The following DCC variants were observed in gnomAD, a reference collection of about 807,000 sequenced individuals.
DCC encodes netrin receptor DCC.
Under a neutral mutation model 172.5 loss-of-function variants are expected in DCC, and 58 were observed. That is an observed-to-expected ratio of 0.34 (90% confidence interval 0.27 to 0.42). DCC has a LOEUF of 0.42. Ranked by LOEUF, DCC falls within the 10% of genes least tolerant of loss-of-function variation. The probability of loss-of-function intolerance (pLI) is 1.00; values close to 1 mark genes in which losing one functional copy is unlikely to be tolerated. For synonymous variants in DCC, 709 were observed against 644.5 expected (o/e 1.10, Z -1.52); for missense variants, 1,740 against 1,791.0 (o/e 0.97, Z 0.51).
chr18:53,151,581 A>G (rs2043996129), intron 7 of DCC, among the ~76,000 whole-genome samples: 1 of 152,218 alleles, frequency 6.6e-6, no homozygotes. Context: ...CACAATGTAT[A>G]TATGCCTCAA....
rs11269189 is a variant in DCC at position 52,907,241 on chromosome 18, C to CATATATACATGATATGTCATGG, written c.697+946_697+967dup. Among the ~76,000 whole-genome samples, 205 of 102,602 alleles carry CATATATACATGATATGTCATGG rather than the reference C, an allele frequency of 2.0e-3. 7 individuals are homozygous for CATATATACATGATATGTCATGG. Among genetic ancestry groups the CATATATACATGATATGTCATGG allele is most frequent in the African/African-American group, 6.7e-3 (185 of 27,610 alleles). The allele number at this position is 102,602 out of a possible 152,430, so 67.3% of individuals were successfully genotyped here. A position where few individuals can be genotyped will look rare whatever the true frequency, so the allele number is the denominator to read the frequency against. On this transcript the variant is annotated intron_variant, in intron 3 of 28. Transcript: ENST00000442544. ...TATATCATATATACTTGATAGATAT[C>CATATATACATGATATGTCATGG]ATATATACATGATATGTCATGGATA... is the stretch of plus-strand genomic sequence containing the variant.
chr18:52,541,897 G>GTATATATATATATATATATATA (rs1330162034), intron 1 of DCC, among the ~76,000 whole-genome samples: 5 of 43,456 alleles, frequency 1.2e-4, no homozygotes, highest in East Asian at 2.9e-4. Context: ...ATATATATAT[G>GTATATATATATATATATATATA]TGTATATATA....
intron 1 of DCC, among the ~76,000 whole-genome samples, chr18:52,718,685 G>T (rs183970286): frequency 1.2e-3 from 187 of 152,242 alleles, no homozygotes; most frequent in African/African-American, 4.4e-3. Context: ...TGCTTATATC[G>T]CAGAGACGTT....
intron 2 of DCC, among the ~76,000 whole-genome samples, chr18:52,874,637 A>G (rs565766118): frequency 4.0e-4 from 61 of 152,252 alleles, no homozygotes; most frequent in Middle Eastern, 6.8e-3. Context: ...TTTAATTTTT[A>G]TCAACAATGG....
At chr18:52,882,996 T>C (rs1026102682) in intron 2 of DCC, among the ~76,000 whole-genome samples, 1 of 152,158 alleles carries the variant, frequency 6.6e-6, no homozygotes, top group African/African-American at 2.4e-5. Flanking sequence ...TCCTTATCAT[T>C]ATATAATAGA....
intron 27 of DCC, among the ~76,000 whole-genome samples, chr18:53,518,011 C>T (rs908643249): frequency 5.9e-5 from 9 of 152,106 alleles, no homozygotes; most frequent in African/African-American, 2.2e-4. Context: ...CTCCCATGCC[C>T]TCAAAAGTTC....
intron 13 of DCC, among the ~76,000 whole-genome samples, chr18:53,306,630 T>G (rs1055370408): frequency 6.6e-6 from 1 of 152,240 alleles, no homozygotes; most frequent in African/African-American, 2.4e-5. Flanking sequence ...GCTTACTGAT[T>G]ACTCTGCACC....
intron 1 of DCC, among the ~76,000 whole-genome samples, chr18:52,747,152 C>T (rs902152881): frequency 3.9e-5 from 6 of 152,132 alleles, no homozygotes; most frequent in Non-Finnish European, 7.4e-5. Flanking sequence ...GATGGAAACA[C>T]TCATTTTTAT....
chr18:52,514,842 C>T (rs914876942), intron 1 of DCC, among the ~76,000 whole-genome samples: 3 of 152,116 alleles, frequency 2.0e-5, no homozygotes, highest in African/African-American at 7.2e-5. Context: ...ATTTTAGTGA[C>T]ATTGTACCCT....
chr18:53,417,540 T>C (rs1225696627), intron 21 of DCC, among the ~76,000 whole-genome samples: 1 of 152,228 alleles, frequency 6.6e-6, no homozygotes, highest in Non-Finnish European at 1.5e-5. Flanking sequence ...AAATCTGGAA[T>C]AGTTAATAGC....
chr18:52,699,391 T>C (rs1251238120), intron 1 of DCC, among the ~76,000 whole-genome samples: 1 of 152,196 alleles, frequency 6.6e-6, no homozygotes, highest in Non-Finnish European at 1.5e-5. Flanking sequence ...AGGAATACTA[T>C]ATCTGAATTA....
chr18:52,910,607 G>C (rs746842923), intron 3 of DCC, among the ~76,000 whole-genome samples: 5 of 152,126 alleles, frequency 3.3e-5, no homozygotes, highest in Non-Finnish European at 7.4e-5. Flanking sequence ...TGGTTGTCAA[G>C]TTCACTTTAT....
At chr18:52,540,245 G>A (rs1372261828) in intron 1 of DCC, among the ~76,000 whole-genome samples, 1 of 152,052 alleles carries the variant, frequency 6.6e-6, no homozygotes, top group Non-Finnish European at 1.5e-5. Flanking sequence ...AAACCATCCT[G>A]GGCAATATAG....
chr18:53,291,589 C>G (rs2057005577), intron 12 of DCC, among the ~76,000 whole-genome samples: 1 of 152,126 alleles, frequency 6.6e-6, no homozygotes, highest in Non-Finnish European at 1.5e-5. Context: ...GCCCTATTTT[C>G]TTGTGCCTTT....
At chr18:52,742,773 G>T (rs549704534) in intron 1 of DCC, among the ~76,000 whole-genome samples, 120 of 152,138 alleles carry the variant, frequency 7.9e-4, no homozygotes, top group Non-Finnish European at 1.4e-3. Flanking sequence ...CATGTAGTAT[G>T]AATGAGTTCC....
intron 23 of DCC, among the ~76,000 whole-genome samples, chr18:53,453,465 T>C (rs1256176114): frequency 2.7e-5 from 4 of 150,918 alleles, no homozygotes; most frequent in Admixed American, 6.6e-5. Flanking sequence ...TAAATTTTTC[T>C]TTATGTTTTT....
intron 2 of DCC, among the ~76,000 whole-genome samples, chr18:52,846,595 T>TGCCC (rs200781139): frequency 8.1e-6 from 1 of 123,116 alleles, no homozygotes; most frequent in African/African-American, 3.0e-5. Context: ...TATCTCCCCC[T>TGCCC]TCTGCCACTC....
intron 12 of DCC, among the ~76,000 whole-genome samples, chr18:53,223,337 A>G (rs1191202387): frequency 2.6e-5 from 4 of 152,326 alleles, no homozygotes; most frequent in Non-Finnish European, 5.9e-5. Context: ...ATTAAAATAT[A>G]TGATAGAATA....
chr18:52,648,166 C>T (rs889023527), intron 1 of DCC, among the ~76,000 whole-genome samples: 4 of 152,168 alleles, frequency 2.6e-5, no homozygotes, highest in African/African-American at 9.7e-5. Flanking sequence ...CTGGAACCAG[C>T]TCCTATCAGT....
Sources: allele counts gnomAD v4.1 joint callset (sites outside exome capture counted in the v4.1 genomes callset), GRCh38; gene constraint gnomAD v4.1.1; transcripts MANE v1.5; gene names NCBI Gene and HGNC (gene_info 2026-07-23, HGNC 2026-07-21).